CACNA1F: variants seen among roughly 807,000 people sequenced by gnomAD.
CACNA1F encodes voltage-dependent L-type calcium channel subunit alpha-1F.
A neutral mutation model predicts 143.8 loss-of-function variants in CACNA1F; 59 were observed. The ratio of observed to expected loss-of-function variants is 0.41; its 90% confidence interval spans 0.33 to 0.51. CACNA1F has a LOEUF of 0.51. Ranked by LOEUF, CACNA1F falls within the 20% of genes least tolerant of loss-of-function variation. The pLI, the probability that CACNA1F is intolerant of heterozygous loss-of-function variation, is 0.22. For synonymous variants in CACNA1F, 643 were observed against 649.1 expected (o/e 0.99, Z 0.14); for missense variants, 1,411 against 1,647.5 (o/e 0.86, Z 2.48).
chrX:49,209,609 C>A lies in CACNA1F; in HGVS notation c.4821+20G>T. ...GCACTGCCACACGTGCCCATCCACA[C>A]TAGGCCCTGCCCCGAAGACCTGAAG... On this transcript the variant is annotated intron_variant, in intron 41 of 47. Coordinates refer to ENST00000323022, the MANE Select transcript of CACNA1F (RefSeq NM_001256789.3). The A allele has an allele frequency of 8.3e-7, 1 of 1,210,884 alleles. No homozygotes were observed. Among genetic ancestry groups the A allele is most frequent in the Non-Finnish European group, 1.1e-6 (1 of 894,853 alleles).
At position 49,224,971 on chromosome X, in the gene CACNA1F, A is replaced by C; in HGVS notation, c.1667T>G (p.Val556Gly). ...LTQIQEYANK[V>G]LLCLFTVEML... ...CTCCACCGTGAACAGACAGAGCAAC[A>C]CTTTGTTGGCATACTCTGTGGGGAG... The change falls in exon 14 of 48, where the codon GTG (valine) becomes GGG (glycine). Residue 556 changes from valine (V) to glycine (G), a missense_variant. This residue lies in a region of CACNA1F where 950 missense variants were observed against 1,128.1 expected (regional missense o/e 0.84). Coordinates refer to ENST00000323022, the MANE Select transcript of CACNA1F (RefSeq NM_001256789.3). 8.4e-7 allele frequency: 1 copy of C among 1,190,257 alleles called. No homozygotes were observed. The highest frequency in any genetic ancestry group is 1.7e-5 in the African/African-American group (1 of 57,158).
chrX:49,213,967 T>C, intron 30 of CACNA1F, 65 bp from the exon 31 acceptor site: 1 of 766,204 alleles, frequency 1.3e-6, no homozygotes, highest in Non-Finnish European at 2.0e-6. Context: ...AGGGGGCCAG[T>C]AGTAGTAGGG....
At chrX:49,214,446 A>C (rs150790234) in intron 29 of CACNA1F, among the ~76,000 whole-genome samples, 177 bp from the exon 30 acceptor site, 1,612 of 112,605 alleles carry the variant, frequency 0.014, 18 homozygotes, top group Non-Finnish European at 0.025. Flanking sequence ...GTTCTTGATT[A>C]CTAGCTTTTC....
chrX:49,210,069 G>A, intron 39 of CACNA1F, 27 bp from the exon 40 acceptor site: 2 of 1,060,609 alleles, frequency 1.9e-6, no homozygotes, highest in South Asian at 1.9e-5. Context: ...TGTGGGGCAT[G>A]AGCCAATAGG....
At chrX:49,219,153 G>A (rs996656578) in intron 21 of CACNA1F, among the ~76,000 whole-genome samples, 168 bp downstream of exon 21, 10 of 111,600 alleles carry the variant, frequency 9.0e-5, no homozygotes, top group Non-Finnish European at 1.5e-4. Context: ...GTGCTTCCCC[G>A]TGTGTTGCAC....
chrX:49,211,567 G>A (rs941597191), intron 35 of CACNA1F, 86 bp from the exon 36 acceptor site: 188 of 800,096 alleles, frequency 2.3e-4, no homozygotes, highest in Middle Eastern at 5.6e-4. Context: ...TGGGGAATGA[G>A]GAGATGACCT....
intron 6 of CACNA1F, 66 bp downstream of exon 6, chrX:49,230,154 T>C (rs1299804945): frequency 2.0e-6 from 2 of 1,011,789 alleles, no homozygotes; most frequent in Admixed American, 2.6e-5. Flanking sequence ...TTTCCCTGAG[T>C]GCAGCATTGG....
intron 27 of CACNA1F, 121 bp downstream of exon 27, chrX:49,216,261 G>C: frequency 1.3e-6 from 1 of 750,812 alleles, no homozygotes; most frequent in Non-Finnish European, 2.0e-6. Flanking sequence ...ACCCTATCCA[G>C]TCTCGAGAGA....
intron 11 of CACNA1F, 57 bp downstream of exon 11, chrX:49,226,352 A>C: frequency 8.8e-7 from 1 of 1,138,581 alleles, no homozygotes; most frequent in Non-Finnish European, 1.2e-6. Context: ...TAAAGAAAGG[A>C]CTTGAGTCAG....
intron 43 of CACNA1F, among the ~76,000 whole-genome samples, chrX:49,208,123 G>A (rs1557105317): frequency 9.4e-6 from 1 of 106,314 alleles, no homozygotes; most frequent in Non-Finnish European, 1.9e-5. Context: ...GCTTGAACCC[G>A]GGAGGCAGAG....
At chrX:49,209,188 G>C in intron 42 of CACNA1F, 74 bp downstream of exon 42, 1 of 1,160,814 alleles carries the variant, frequency 8.6e-7, no homozygotes, top group Non-Finnish European at 1.2e-6. Flanking sequence ...CCCAGAAGCA[G>C]TGTCAAAATC....
intron 31 of CACNA1F, 144 bp from the exon 32 acceptor site, chrX:49,213,138 G>A (rs2065675540): frequency 1.9e-6 from 1 of 532,477 alleles, no homozygotes. Context: ...AGTTTATATG[G>A]TAGTGGATTA....
At chrX:49,229,271 C>T (rs1025099059) in intron 6 of CACNA1F, among the ~76,000 whole-genome samples, 1 of 110,979 alleles carries the variant, frequency 9.0e-6, no homozygotes, top group African/African-American at 3.3e-5. Flanking sequence ...ATTCTCATGC[C>T]GCAGCCTCCC....
At chrX:49,212,853 A>G (rs1332890275) in intron 32 of CACNA1F, 58 bp from the exon 33 acceptor site, 7 of 1,191,633 alleles carry the variant, frequency 5.9e-6, no homozygotes, top group African/African-American at 3.5e-5. Flanking sequence ...CTATCTCCCT[A>G]TCTCATGCTT....
chrX:49,213,757 G>T, intron 31 of CACNA1F, 62 bp downstream of exon 31: 1 of 831,454 alleles, frequency 1.2e-6, no homozygotes. Context: ...AGGGAACCCC[G>T]GGATAGAGGT....
rs1313687313 is a variant in CACNA1F at position 49,211,176 on chromosome X, T to C, written c.4261-84A>G. ...ATGGTGGGAGGCTGGGGCGGGCTTA[T>C]ATGGTCATGAGTCTCTGGGTTGATC... is the stretch of plus-strand genomic sequence containing the variant. On this transcript the variant is annotated intron_variant, in intron 36 of 47. Coordinates refer to ENST00000323022, the MANE Select transcript of CACNA1F (RefSeq NM_001256789.3). The C allele has an allele frequency of 5.4e-6, 6 of 1,118,415 alleles. No homozygotes were observed. The East Asian group carries it at 1.5e-4, about 28-fold the overall frequency. The allele number at this position is 1,118,415 out of a possible 1,213,427, so 92.2% of individuals were successfully genotyped here. A position where few individuals can be genotyped will look rare whatever the true frequency, so the allele number is the denominator to read the frequency against.
intron 14 of CACNA1F, 25 bp from the exon 15 acceptor site, chrX:49,223,161 G>A: frequency 1.9e-6 from 2 of 1,044,556 alleles, no homozygotes; most frequent in South Asian, 2.0e-5. Flanking sequence ...GGAGGGGGCA[G>A]GGTCGATGCC....
At chrX:49,223,857 G>A (rs1378116771) in intron 14 of CACNA1F, among the ~76,000 whole-genome samples, 2 of 105,604 alleles carry the variant, frequency 1.9e-5, no homozygotes, top group African/African-American at 3.5e-5. Flanking sequence ...TCAGCCTCCC[G>A]AGTAGCTGGG....
At chrX:49,210,715 T>C in intron 37 of CACNA1F, 29 bp from the exon 38 acceptor site, 1 of 1,121,940 alleles carries the variant, frequency 8.9e-7, no homozygotes, top group Non-Finnish European at 1.2e-6. Context: ...TACCACTGGA[T>C]TGGCGATGCC....
Sources: gnomAD v4.1 joint callset for allele counts (sites outside exome capture counted in the v4.1 genomes callset) on GRCh38, gnomAD v4.1.1 for gene constraint, gnomAD v4.1.1 regional missense constraint, MANE v1.5 for transcripts, NCBI Gene and HGNC (gene_info 2026-07-23, HGNC 2026-07-21) for gene names.